Variants in SCOC observed in about 807,000 individuals in gnomAD.
SCOC encodes the protein short coiled coil protein.
Under a neutral mutation model 9.9 loss-of-function variants are expected in SCOC, and 7 were observed. The ratio of observed to expected loss-of-function variants is 0.71; its 90% CI spans 0.40 to 1.33. The LOEUF (loss-of-function observed/expected upper bound fraction) is 1.33. Ranked by LOEUF, SCOC falls within the 40% of genes most tolerant of loss-of-function variation. SCOC has a pLI of 0.01. For synonymous variants in SCOC, 19 were observed against 28.2 expected, an observed-to-expected ratio of 0.67 and a Z score of 1.03; for missense variants, 66 against 89.7, an observed-to-expected ratio of 0.74 and a Z score of 1.07.
At chr4:140,326,030 A>C (rs755609463) in intron 1 of SCOC, among the ~76,000 whole-genome samples, 6 of 152,138 alleles carry the variant, frequency 3.9e-5, no homozygotes, top group Non-Finnish European at 5.9e-5. Flanking sequence ...TTACACAACA[A>C]CACGGATCTT....
At chr4:140,380,907 T>C (rs762523905) in intron 3 of SCOC, 55 bp from the exon 4 acceptor site, 43 of 1,292,274 alleles carry the variant, frequency 3.3e-5, no homozygotes, top group Non-Finnish European at 4.3e-5. Context: ...AATTTTGTAA[T>C]ATGGAATCAT....
At chr4:140,378,076 G>T (rs944386025) in intron 1 of SCOC, among the ~76,000 whole-genome samples, 1 of 152,054 alleles carries the variant, frequency 6.6e-6, no homozygotes, top group Non-Finnish European at 1.5e-5. Context: ...CTAATATTTA[G>T]AAGTCTTCAT....
At chr4:140,363,005 A>G (rs147747572) in intron 2 of SCOC, among the ~76,000 whole-genome samples, 67 of 152,272 alleles carry the variant, frequency 4.4e-4, no homozygotes, top group Non-Finnish European at 7.6e-4. Context: ...ACTTTAAGGG[A>G]TGAGGTAATG....
chr4:140,355,699 C>T (rs996496768), intron 2 of SCOC, among the ~76,000 whole-genome samples: 1 of 152,072 alleles, frequency 6.6e-6, no homozygotes, highest in African/African-American at 2.4e-5. Context: ...GCAAGAAGAG[C>T]CCAGAGGCTC....
intron 1 of SCOC, among the ~76,000 whole-genome samples, chr4:140,281,684 G>T (rs968557683): frequency 7.2e-5 from 11 of 152,158 alleles, no homozygotes; most frequent in Non-Finnish European, 1.5e-4. Context: ...CTCCAACTCA[G>T]GACCACCTGG....
upstream of SCOC, chr4:140,343,388 C>T: frequency 5.2e-6 from 2 of 380,972 alleles, no homozygotes; most frequent in East Asian, 4.0e-5. Flanking sequence ...AGCAGCCGTG[C>T]CAGCACAGCA....
intron 2 of SCOC, among the ~76,000 whole-genome samples, chr4:140,345,855 A>G (rs1726715221): frequency 6.6e-6 from 1 of 152,080 alleles, no homozygotes; most frequent in Non-Finnish European, 1.5e-5. Context: ...CATTTCTCAA[A>G]CTCCTATGTT....
chr4:140,308,901 G>A (rs954393729), intron 1 of SCOC, among the ~76,000 whole-genome samples: 3 of 152,120 alleles, frequency 2.0e-5, no homozygotes, highest in Non-Finnish European at 4.4e-5. Context: ...AGCCAGTCTA[G>A]AGCTTACAGT....
chr4:140,374,536 T>C (rs1278769268), intron 1 of SCOC, among the ~76,000 whole-genome samples: 1 of 152,180 alleles, frequency 6.6e-6, no homozygotes, highest in African/African-American at 2.4e-5. Flanking sequence ...TTCCTTGATC[T>C]TGTGGAATTT....
intron 2 of SCOC, among the ~76,000 whole-genome samples, chr4:140,350,593 T>C (rs555905304): frequency 1.6e-4 from 25 of 152,298 alleles, no homozygotes; most frequent in African/African-American, 5.8e-4. Context: ...TGCCAGGTAG[T>C]AGGCAGGACC....
chr4:140,273,730 A>C (rs1207291116), intron 1 of SCOC, among the ~76,000 whole-genome samples: 2 of 152,166 alleles, frequency 1.3e-5, no homozygotes, highest in Admixed American at 6.5e-5. Flanking sequence ...TAATTTGTTC[A>C]TGTTTAAAGA....
chr4:140,293,390 A>G, intron 1 of SCOC: 1 of 456,980 alleles, frequency 2.2e-6, no homozygotes, highest in South Asian at 1.5e-5. Context: ...ACGCCAAGAC[A>G]GGATTGGAGG....
chr4:140,320,494 C>T (rs1398364346), intron 1 of SCOC, among the ~76,000 whole-genome samples: 7 of 152,154 alleles, frequency 4.6e-5, no homozygotes. Flanking sequence ...AACCCTTTCT[C>T]AGGGTGTGGA....
chr4:140,281,138 G>A (rs1018464288), intron 1 of SCOC, among the ~76,000 whole-genome samples: 8 of 152,244 alleles, frequency 5.3e-5, no homozygotes, highest in South Asian at 2.1e-4. Flanking sequence ...CAAGCAGAGC[G>A]TGTTCCTCTG....
At chr4:140,353,947 CTT>C (rs748367686) in intron 2 of SCOC, among the ~76,000 whole-genome samples, 3 of 152,222 alleles carry the variant, frequency 2.0e-5, no homozygotes, top group Non-Finnish European at 4.4e-5. Flanking sequence ...AGCTTAATGA[CTT>C]TGGCTCAGAG....
At chr4:140,285,369 A>G (rs1731235773) in intron 1 of SCOC, 1 of 441,374 alleles carries the variant, frequency 2.3e-6, no homozygotes, top group South Asian at 1.6e-5. Flanking sequence ...ATACCAGATG[A>G]CTGAACTAAA....
chr4:140,295,872 A>G lies in SCOC; in HGVS notation c.-19+38462A>G, dbSNP rs575835837. 9.8e-5 allele frequency among the ~76,000 whole-genome samples: 14 copies of G among 143,472 alleles called. No individual in the cohort carries two copies. The East Asian group carries it at 3.0e-3, about 31-fold the overall frequency. 94.1% of individuals were successfully genotyped at this position (143,472 alleles called of 152,430 possible). The stretch of plus-strand genomic sequence containing the variant: ...CGTGAACCCGGGAGGCGGAGCTTGC[A>G]GTGAGCCAAGATCGCTCCACTGCAC... On this transcript the variant is annotated intron_variant, in intron 1 of 4. Coordinates refer to the SCOC transcript ENST00000394205.
chr4:140,298,784 T>G (rs1227118083), intron 1 of SCOC, among the ~76,000 whole-genome samples: 1 of 152,208 alleles, frequency 6.6e-6, no homozygotes, highest in African/African-American at 2.4e-5. Flanking sequence ...GGACAAGAAC[T>G]GATTTCTTAA....
chr4:140,331,722 C>A (rs1222992148), intron 1 of SCOC, among the ~76,000 whole-genome samples: 1 of 152,188 alleles, frequency 6.6e-6, no homozygotes, highest in Non-Finnish European at 1.5e-5. Flanking sequence ...GCTTTACACA[C>A]CTTCACAGCT....
Sources: gnomAD v4.1 joint callset for allele counts (sites outside exome capture counted in the v4.1 genomes callset) on GRCh38, gnomAD v4.1.1 for gene constraint, MANE v1.5 for transcripts, NCBI Gene and HGNC (gene_info 2026-07-23, HGNC 2026-07-21) for gene names.